The following PARL variants were observed in gnomAD, a reference collection of about 807,000 sequenced individuals.
The protein encoded by PARL is presenilin-associated rhomboid-like protein, mitochondrial.
In PARL, 44 loss-of-function variants were observed where a neutral mutation model predicts 51.6. The ratio of observed to expected loss-of-function variants is 0.85; its 90% CI spans 0.67 to 1.10. The LOEUF (loss-of-function observed/expected upper bound fraction) is 1.10, where lower values mean the gene tolerates loss of function less well. PARL is among the 50% of genes least tolerant of loss of function. PARL has a pLI of 0.00. For synonymous variants in PARL, 172 were observed against 164.0 expected, an observed-to-expected ratio of 1.05 and a Z score of -0.37; for missense variants, 441 against 469.5, an observed-to-expected ratio of 0.94 and a Z score of 0.56.
intron 1 of PARL, among the ~76,000 whole-genome samples, chr3:183,872,398 C>T (rs1198291232): frequency 6.6e-6 from 1 of 152,186 alleles, no homozygotes; most frequent in Non-Finnish European, 1.5e-5. Flanking sequence ...ATTTTAATTT[C>T]AGAATTTATA....
chr3:183,849,974 A>G (rs1449663513), intron 4 of PARL, among the ~76,000 whole-genome samples: 7 of 152,228 alleles, frequency 4.6e-5, no homozygotes, highest in Non-Finnish European at 8.8e-5. Flanking sequence ...ACAAACTACT[A>G]AAATTGACTC....
At chr3:183,882,434 GAA>G (rs1430647028) in intron 1 of PARL, among the ~76,000 whole-genome samples, 4 of 141,778 alleles carry the variant, frequency 2.8e-5, no homozygotes, top group East Asian at 2.2e-4. Flanking sequence ...GAGAGAGAGA[GAA>G]AGAGAGAGAC....
chr3:183,853,869 A>G (rs951240486), intron 4 of PARL, among the ~76,000 whole-genome samples: 2 of 152,196 alleles, frequency 1.3e-5, no homozygotes, highest in Non-Finnish European at 2.9e-5. Context: ...CCGCCATGGA[A>G]AACAGCGTGA....
intron 1 of PARL, among the ~76,000 whole-genome samples, chr3:183,882,051 C>T (rs994199187): frequency 6.6e-6 from 1 of 150,674 alleles, no homozygotes; most frequent in Non-Finnish European, 1.5e-5. Flanking sequence ...AAACACAAAA[C>T]TTAGCTAGGC....
At chr3:183,862,356 T>C (rs1731936926) in intron 4 of PARL, among the ~76,000 whole-genome samples, 1 of 152,176 alleles carries the variant, frequency 6.6e-6, no homozygotes, top group Non-Finnish European at 1.5e-5. Context: ...CCGGTTTCCT[T>C]ATCTGTAAAA....
rs1388484252 is a variant in PARL, at chr3:183,864,963, A to G, written c.462+1662T>C. 3.4e-5 allele frequency among the ~76,000 whole-genome samples: 5 copies of G among 146,704 alleles called. No homozygotes were observed. The East Asian group carries it at 1.0e-3, about 29-fold the overall frequency. On this transcript the variant is annotated intron_variant, in intron 3 of 9. Transcript: ENST00000317096. ...GCACAGTTTAGAGACACTCAACAGCAGGTATTTACCACAGGTGTGTAAATA... is the reference window on the plus strand; with the variant it reads ...GCACAGTTTAGAGACACTCAACAGCGGGTATTTACCACAGGTGTGTAAATA...
intron 7 of PARL, among the ~76,000 whole-genome samples, chr3:183,834,292 C>T (rs769364792): frequency 2.0e-5 from 3 of 152,288 alleles, no homozygotes; most frequent in Admixed American, 6.5e-5. Flanking sequence ...TGGTGGCTCA[C>T]GCCTGTAATT....
At chr3:183,830,496 G>C (rs891927674) in intron 9 of PARL, among the ~76,000 whole-genome samples, 11 of 152,202 alleles carry the variant, frequency 7.2e-5, no homozygotes, top group Non-Finnish European at 1.3e-4. Context: ...GAGGGCACTG[G>C]GGGTAGAGAA....
At chr3:183,876,610 T>TAAAAAAAAAAAAAAAAAAAAAAAAAA (rs576376716) in intron 1 of PARL, among the ~76,000 whole-genome samples, 39 of 91,792 alleles carry the variant, frequency 4.2e-4, no homozygotes, top group East Asian at 1.7e-3. Flanking sequence ...ATACATTTTG[T>TAAAAAAAAAAAAAAAAAAAAAAAAAA]AAAAAAAAAA....
intron 7 of PARL, among the ~76,000 whole-genome samples, chr3:183,835,656 C>T (rs552001786): frequency 5.3e-5 from 8 of 152,216 alleles, no homozygotes; most frequent in Admixed American, 3.9e-4. Flanking sequence ...CACCTGAGGT[C>T]AGGAGTTCAA....
At chr3:183,852,736 T>C (rs1285619575) in intron 4 of PARL, among the ~76,000 whole-genome samples, 1 of 152,122 alleles carries the variant, frequency 6.6e-6, no homozygotes, top group Non-Finnish European at 1.5e-5. Context: ...ATGTCTATAA[T>C]GGCAAATTTT....
chr3:183,868,016 G>A lies in PARL; in HGVS notation c.170C>T (p.Pro57Leu). Residue 57 changes from proline (P) to leucine (L), a missense_variant, in exon 2 of 10, where the codon CCC (proline) becomes CTC (leucine). Coordinates refer to ENST00000317096, the MANE Select transcript of PARL (RefSeq NM_018622.7). ...TGATCTTCGAGGTTCAACCTTCCTG[G>A]GTGCTTTTCTGAATCCGCATTTTTG... ...IQQKCGFRKA[P>L]RKVEPRRSDP... is the part of the protein sequence containing the mutation. 7 of 1,614,042 alleles carry A rather than the reference G, an allele frequency of 4.3e-6. No homozygotes were observed. The highest frequency in any genetic ancestry group is 5.9e-6 in the Non-Finnish European group (7 of 1,179,988).
intron 5 of PARL, 116 bp from the exon 6 acceptor site, chr3:183,842,563 A>G: frequency 2.1e-6 from 2 of 938,164 alleles, no homozygotes; most frequent in East Asian, 2.6e-5. Flanking sequence ...TAATCCCAGC[A>G]CTTTGGGAGG....
intron 1 of PARL, among the ~76,000 whole-genome samples, chr3:183,880,588 GA>G (rs1222259173): frequency 6.6e-6 from 1 of 152,022 alleles, no homozygotes; most frequent in African/African-American, 2.4e-5. Flanking sequence ...TTTTAGTAGA[GA>G]GGGGGTTTCA....
intron 1 of PARL, chr3:183,883,577 TAATC>T (rs1734796559): frequency 1.0e-6 from 1 of 984,776 alleles, no homozygotes; most frequent in Admixed American, 6.2e-5. Context: ...CGGCCAGTAT[TAATC>T]TTTTCTTTCC....
intron 1 of PARL, among the ~76,000 whole-genome samples, chr3:183,876,213 ATT>A (rs1382268952): frequency 6.6e-6 from 1 of 151,996 alleles, no homozygotes; most frequent in Non-Finnish European, 1.5e-5. Flanking sequence ...TGTCCGGCTA[ATT>A]TTTGTGTTTT....
Position 183,842,440 on chromosome 3 carries a change from A to G in PARL, c.615T>C (p.Leu205=), listed in dbSNP as rs779570028. 3 of 1,612,236 alleles carry G rather than the reference A, an allele frequency of 1.9e-6. No individual in the cohort carries two copies. Among genetic ancestry groups the G allele is most frequent in the Non-Finnish European group, 2.5e-6 (3 of 1,178,528 alleles). ...ATGTTGACAGCAACATTGGAGAACA[A>G]AGGACCTCTACAAGAGAGAGAAACA... is the stretch of plus-strand genomic sequence containing the variant. ...YFTSNPASKV[L]CSPMLLSTFS... is the part of the protein sequence containing the mutation. The change falls in exon 6 of 10, where the codon CTT becomes CTC. Residue 205 remains leucine, a synonymous_variant. Coordinates refer to ENST00000317096, the MANE Select transcript of PARL (RefSeq NM_018622.7).
chr3:183,828,359 CAG>C (rs35981002), downstream of PARL, among the ~76,000 whole-genome samples: 1,935 of 152,328 alleles, frequency 0.013, 21 homozygotes, highest in Non-Finnish European at 0.018. Context: ...ATCTGTGTTG[CAG>C]AGTTGTTAGC....
intron 4 of PARL, among the ~76,000 whole-genome samples, chr3:183,844,989 A>G (rs1182937009): frequency 6.6e-6 from 1 of 152,236 alleles, no homozygotes; most frequent in African/African-American, 2.4e-5. Flanking sequence ...TACATTTTAG[A>G]TAAGAAATTA....
Sources: gnomAD v4.1 joint callset for allele counts (sites outside exome capture counted in the v4.1 genomes callset) on GRCh38, gnomAD v4.1.1 for gene constraint, MANE v1.5 for transcripts, NCBI Gene and HGNC (gene_info 2026-07-23, HGNC 2026-07-21) for gene names.